Variants in SLC1A7 observed in about 807,000 individuals in gnomAD.
SLC1A7 encodes the protein solute carrier family 1 member 7.
Under a neutral mutation model 47.7 loss-of-function variants are expected in SLC1A7, and 40 were observed. The ratio of observed to expected loss-of-function variants is 0.84; its 90% CI spans 0.65 to 1.09. The LOEUF is 1.09. Ranked by LOEUF, SLC1A7 falls within the 50% of genes least tolerant of loss-of-function variation. The probability of loss-of-function intolerance (pLI) is 0.00; values close to 1 mark genes in which losing one functional copy is unlikely to be tolerated. For missense variants in SLC1A7, 746 were observed against 769.5 expected (o/e 0.97, Z 0.36); for synonymous variants, 323 against 325.6 (o/e 0.99, Z 0.09).
rs368436714 is a variant in SLC1A7 at position 53,090,747 on chromosome 1, C to T, written c.1091G>A (p.Arg364His). Residue 364 changes from arginine (R) to histidine (H), a missense_variant, in exon 8 of 11, where the codon CGC becomes CAC. Coordinates refer to ENST00000371494, the MANE Select transcript of SLC1A7 (RefSeq NM_006671.6). ...CLLENNHIDR[R>H]IARFVLPVGA... ...CACGGGCAGCACGAAGCGAGCGATG[C>T]GCCGGTCGATGTGGTTGTTCTCCAG... 2.7e-5 allele frequency: 44 copies of T among 1,613,636 alleles called. No homozygotes were observed. Among genetic ancestry groups the T allele is most frequent in the South Asian group, 2.2e-4 (20 of 90,948 alleles).
chr1:53,109,371 A>T (rs1184942081), intron 3 of SLC1A7, among the ~76,000 whole-genome samples: 1 of 152,214 alleles, frequency 6.6e-6, no homozygotes, highest in South Asian at 2.1e-4. Context: ...AGAAGGGGCC[A>T]GACCTGATTA....
At chr1:53,140,113 A>G (rs544887316) in intron 1 of SLC1A7, among the ~76,000 whole-genome samples, 2 of 152,344 alleles carry the variant, frequency 1.3e-5, no homozygotes, top group South Asian at 2.1e-4. Context: ...GAGAAATCCC[A>G]GATTTCAAAG....
At position 53,088,052 on chromosome 1, in the gene SLC1A7, T is replaced by G. The variant is rs748161006; in HGVS notation, c.1640A>C (p.Asn547Thr). Residue 547 changes from asparagine (N) to threonine (T), a missense_variant, in exon 11 of 11, where the codon AAC becomes ACC. Coordinates refer to ENST00000371494, the MANE Select transcript of SLC1A7 (RefSeq NM_006671.6). ...CTCACTGATCTGGATGGTGCAGTGG[T>G]TCAGACTCGCAGCGGGCAGCTCCTC... ...QDEELPAASLNHCTIQISELE... is the reference protein window; with the variant it reads ...QDEELPAASLTHCTIQISELE... 3.8e-5 allele frequency: 60 copies of G among 1,596,028 alleles called. No homozygotes were observed. The highest frequency in any genetic ancestry group is 5.0e-5 in the Non-Finnish European group (59 of 1,169,036).
chr1:53,122,778 G>A (rs1311425743), intron 2 of SLC1A7, among the ~76,000 whole-genome samples: 3 of 152,132 alleles, frequency 2.0e-5, no homozygotes, highest in East Asian at 1.9e-4. Flanking sequence ...CTAAGAGCTC[G>A]TGATGCTTAT....
chr1:53,128,986 C>T (rs72670876), intron 2 of SLC1A7, among the ~76,000 whole-genome samples: 25,836 of 139,598 alleles, frequency 0.19, 6,250 homozygotes, highest in East Asian at 0.39. Context: ...CGAGACCAGC[C>T]TGGCCAACAT....
chr1:53,095,085 A>C (rs1328904593), intron 5 of SLC1A7, among the ~76,000 whole-genome samples: 1 of 152,172 alleles, frequency 6.6e-6, no homozygotes, highest in Non-Finnish European at 1.5e-5. Flanking sequence ...AAGCAGGTGC[A>C]CACAGACACA....
chr1:53,108,769 C>T (rs1206715438), intron 3 of SLC1A7: 3 of 663,276 alleles, frequency 4.5e-6, no homozygotes, highest in South Asian at 1.7e-5. Context: ...CAGCTGCCCA[C>T]CTCCCACTTC....
At chr1:53,128,110 G>A (rs1333563040) in intron 2 of SLC1A7, among the ~76,000 whole-genome samples, 1 of 152,232 alleles carries the variant, frequency 6.6e-6, no homozygotes, top group Non-Finnish European at 1.5e-5. Context: ...AGGAATGCTG[G>A]TGTGAATGGG....
rs1557693466 is a variant in SLC1A7 at position 53,136,636 on chromosome 1, TAAAAACA to T, written c.136-2214_136-2208del. Among the ~76,000 whole-genome samples, 16 of 112,936 alleles carry T rather than the reference TAAAAACA, an allele frequency of 1.4e-4. 1 individual carries two copies. The highest frequency in any genetic ancestry group is 2.5e-4 in the African/African-American group (7 of 28,410). The allele number at this position is 112,936 out of a possible 152,430, so 74.1% of individuals were successfully genotyped here. A position where few individuals can be genotyped will look rare whatever the true frequency, so the allele number is the denominator to read the frequency against. Reference sequence around the variant, plus strand: ...AATATATATAAACATATATAATATATAAAAACATATATATATTATATATATATATATT... The same window carrying T: ...AATATATATAAACATATATAATATATTATATATATTATATATATATATATT... On this transcript the variant is annotated intron_variant, in intron 1 of 10. Coordinates refer to ENST00000371494, the MANE Select transcript of SLC1A7 (RefSeq NM_006671.6).
At chr1:53,118,150 C>A (rs909939792) in intron 2 of SLC1A7, among the ~76,000 whole-genome samples, 1 of 152,212 alleles carries the variant, frequency 6.6e-6, no homozygotes, top group Non-Finnish European at 1.5e-5. Flanking sequence ...TAAGGCCCTG[C>A]CCTTTGGCTT....
chr1:53,120,951 A>G (rs536433175), intron 2 of SLC1A7, among the ~76,000 whole-genome samples: 1 of 152,272 alleles, frequency 6.6e-6, no homozygotes, highest in Non-Finnish European at 1.5e-5. Flanking sequence ...GCCCTTGGGC[A>G]TGTGACTGGG....
chr1:53,091,496 G>A (rs1009084019), intron 7 of SLC1A7, among the ~76,000 whole-genome samples: 2 of 152,190 alleles, frequency 1.3e-5, no homozygotes, highest in Non-Finnish European at 2.9e-5. Context: ...GCTGGCTCTG[G>A]CTGGCTTGGC....
chr1:53,124,768 C>T (rs866616292), intron 2 of SLC1A7, among the ~76,000 whole-genome samples: 3 of 152,312 alleles, frequency 2.0e-5, no homozygotes, highest in African/African-American at 7.2e-5. Context: ...AGACCACAGT[C>T]CCGAGGCAGG....
At chr1:53,137,287 C>CAAAAAAAAAAAAAAAAAAAAA (rs60113708) in intron 1 of SLC1A7, among the ~76,000 whole-genome samples, 35 of 100,734 alleles carry the variant, frequency 3.5e-4, no homozygotes, top group South Asian at 5.1e-4. Flanking sequence ...ACGCTATCTC[C>CAAAAAAAAAAAAAAAAAAAAA]AAAAAAAAAA....
At chr1:53,103,223 G>A (rs1052020547) in intron 5 of SLC1A7, 123 bp downstream of exon 5, 23 of 731,868 alleles carry the variant, frequency 3.1e-5, no homozygotes, top group Non-Finnish European at 4.4e-5. Context: ...AATATTTCCA[G>A]TTTTTCACAG....
chr1:53,124,752 G>A (rs1179205437), intron 2 of SLC1A7, among the ~76,000 whole-genome samples: 4 of 152,216 alleles, frequency 2.6e-5, no homozygotes, highest in African/African-American at 9.7e-5. Flanking sequence ...GGGTGAACTC[G>A]AGGTGAGACC....
At chr1:53,112,309 C>T (rs189422600) in intron 3 of SLC1A7, among the ~76,000 whole-genome samples, 295 of 152,308 alleles carry the variant, frequency 1.9e-3, no homozygotes, top group African/African-American at 6.4e-3. Flanking sequence ...CAGAGTATAG[C>T]TGAATCATCT....
At chr1:53,133,602 G>A (rs1280085955) in intron 2 of SLC1A7, among the ~76,000 whole-genome samples, 1 of 152,158 alleles carries the variant, frequency 6.6e-6, no homozygotes, top group Non-Finnish European at 1.5e-5. Flanking sequence ...ACCTGGAGCA[G>A]CCACTCATTA....
chr1:53,129,613 A>T (rs1644921033), intron 2 of SLC1A7, among the ~76,000 whole-genome samples: 1 of 138,986 alleles, frequency 7.2e-6, no homozygotes, highest in Non-Finnish European at 1.6e-5. Context: ...GGGAAGAGTG[A>T]CTGAACTCAG....
Sources: gnomAD v4.1 joint callset for allele counts (sites outside exome capture counted in the v4.1 genomes callset) on GRCh38, gnomAD v4.1.1 for gene constraint, MANE v1.5 for transcripts, NCBI Gene and HGNC (gene_info 2026-07-23, HGNC 2026-07-21) for gene names.